The following FABP12 variants were observed in gnomAD, a reference collection of about 807,000 sequenced individuals.
The protein encoded by FABP12 is fatty acid binding protein 12.
Under a neutral mutation model 13.7 loss-of-function variants are expected in FABP12, and 19 were observed. The ratio of observed to expected loss-of-function variants is 1.39; its 90% CI spans 0.97 to 2.04. FABP12 has a LOEUF of 2.04. FABP12 is among the 30% of genes most tolerant of loss of function. FABP12 has a pLI of 0.00. For missense variants in FABP12, 182 were observed against 164.2 expected (o/e 1.11, Z -0.59); for synonymous variants, 61 against 57.0 (o/e 1.07, Z -0.32).
intron 1 of FABP12, among the ~76,000 whole-genome samples, chr8:81,578,045 T>C (rs1810083835): frequency 6.6e-6 from 1 of 152,212 alleles, no homozygotes; most frequent in East Asian, 1.9e-4. Context: ...AAAATTATTC[T>C]GACTATATTA....
intron 1 of FABP12, among the ~76,000 whole-genome samples, chr8:81,589,966 A>T (rs976759051): frequency 2.0e-5 from 3 of 152,374 alleles, no homozygotes; most frequent in Middle Eastern, 6.8e-3. Flanking sequence ...TGTATTATTT[A>T]CACATATATA....
At chr8:81,550,181 C>T (rs1191217319) in intron 1 of FABP12, among the ~76,000 whole-genome samples, 1 of 152,128 alleles carries the variant, frequency 6.6e-6, no homozygotes, top group East Asian at 1.9e-4. Flanking sequence ...GGGTACCTAC[C>T]TTAAATCCCA....
intron 1 of FABP12, among the ~76,000 whole-genome samples, chr8:81,541,076 G>C (rs958952505): frequency 1.0e-4 from 15 of 150,328 alleles, no homozygotes; most frequent in African/African-American, 3.2e-4. Context: ...CTGAGGTAGA[G>C]AACTGCTTGA....
At chr8:81,571,192 AG>A (rs971263317) in intron 1 of FABP12, among the ~76,000 whole-genome samples, 1 of 152,304 alleles carries the variant, frequency 6.6e-6, no homozygotes, top group South Asian at 2.1e-4. Flanking sequence ...CTGAGATCAA[AG>A]CTGGTGCTGG....
chr8:81,562,898 A>T (rs1232771594), intron 1 of FABP12, among the ~76,000 whole-genome samples: 2 of 152,242 alleles, frequency 1.3e-5, no homozygotes, highest in Admixed American at 1.3e-4. Context: ...ACCTCTCATC[A>T]TAAGAGTCCT....
chr8:81,568,045 C>G (rs1809860444), intron 1 of FABP12, among the ~76,000 whole-genome samples: 1 of 151,778 alleles, frequency 6.6e-6, no homozygotes, highest in South Asian at 2.1e-4. Context: ...ATGGCGTGAA[C>G]CCGGGAAGCG....
chr8:81,541,516 G>T (rs957952491), intron 1 of FABP12, among the ~76,000 whole-genome samples: 2 of 152,174 alleles, frequency 1.3e-5, no homozygotes, highest in African/African-American at 4.8e-5. Context: ...AAGTTTCTGA[G>T]CAATTCCCCT....
At chr8:81,583,460 A>G (rs903665008) in intron 1 of FABP12, among the ~76,000 whole-genome samples, 1 of 151,980 alleles carries the variant, frequency 6.6e-6, no homozygotes, top group African/African-American at 2.4e-5. Context: ...ACCAATCAAG[A>G]AAAAAAGAAA....
intron 1 of FABP12, among the ~76,000 whole-genome samples, chr8:81,587,431 C>T (rs147255569): frequency 1.1e-4 from 17 of 152,138 alleles, no homozygotes; most frequent in African/African-American, 1.9e-4. Flanking sequence ...GAGCATGGAA[C>T]GTTTTTCCAT....
chr8:81,545,008 G>C (rs1423775156), intron 1 of FABP12, among the ~76,000 whole-genome samples: 1 of 152,160 alleles, frequency 6.6e-6, no homozygotes, highest in Non-Finnish European at 1.5e-5. Context: ...GTGTTTAGGA[G>C]ACTGAGAGGT....
chr8:81,576,250 G>T (rs1810042810), intron 1 of FABP12, among the ~76,000 whole-genome samples: 2 of 152,154 alleles, frequency 1.3e-5, no homozygotes, highest in South Asian at 4.1e-4. Context: ...ACATTTATGA[G>T]ATTAGCATTT....
chr8:81,582,205 C>T (rs191246159), intron 1 of FABP12, among the ~76,000 whole-genome samples: 34 of 139,252 alleles, frequency 2.4e-4, no homozygotes, highest in African/African-American at 7.4e-4. Flanking sequence ...TCACTGCAAC[C>T]TCTGCCTCCC....
intron 3 of FABP12, 131 bp downstream of exon 3, chr8:81,529,307 T>C (rs1808993232): frequency 3.4e-6 from 3 of 883,670 alleles, no homozygotes; most frequent in Admixed American, 3.7e-5. Context: ...TTGACATCCT[T>C]AGACCTATGT....
intron 1 of FABP12, among the ~76,000 whole-genome samples, chr8:81,550,315 T>C (rs1322976603): frequency 6.6e-6 from 1 of 152,186 alleles, no homozygotes; most frequent in Non-Finnish European, 1.5e-5. Flanking sequence ...GGTAAAATGT[T>C]CCAAATGATG....
intron 1 of FABP12, among the ~76,000 whole-genome samples, chr8:81,567,339 T>C (rs909739696): frequency 2.6e-4 from 40 of 152,078 alleles, no homozygotes; most frequent in Non-Finnish European, 5.1e-4. Flanking sequence ...CATAAAAGAC[T>C]CAGAATAGCC....
intron 1 of FABP12, among the ~76,000 whole-genome samples, chr8:81,557,037 G>A (rs1238055875): frequency 6.6e-6 from 1 of 151,524 alleles, no homozygotes; most frequent in African/African-American, 2.4e-5. Context: ...ACCATTTCCA[G>A]CTTATTTTTG....
chr8:81,526,552 T>C (rs1484701219), intron 4 of FABP12: 5 of 152,440 alleles, frequency 3.3e-5, no homozygotes, highest in African/African-American at 4.8e-5. Context: ...ATAATATTAA[T>C]ATATGAAAAC....
intron 1 of FABP12, among the ~76,000 whole-genome samples, chr8:81,579,489 A>G (rs1462020885): frequency 6.6e-6 from 1 of 152,182 alleles, no homozygotes; most frequent in Non-Finnish European, 1.5e-5. Context: ...AAATGTTTAG[A>G]TTGACAAATA....
intron 2 of FABP12, among the ~76,000 whole-genome samples, chr8:81,530,885 G>A (rs1417586188): frequency 6.6e-6 from 1 of 152,190 alleles, no homozygotes; most frequent in Non-Finnish European, 1.5e-5. Context: ...GTAGCCAGCA[G>A]AGGCTGAAAA....
Sources: allele counts gnomAD v4.1 joint callset (sites outside exome capture counted in the v4.1 genomes callset), GRCh38; gene constraint gnomAD v4.1.1; transcripts MANE v1.5; gene names NCBI Gene and HGNC (gene_info 2026-07-23, HGNC 2026-07-21).